The following SH3BGRL variants were observed in gnomAD, a reference collection of about 807,000 sequenced individuals.
The protein encoded by SH3BGRL is SH3 domain binding glutamate rich protein like, also known as adapter SH3BGRL.
Under a neutral mutation model 9.8 loss-of-function variants are expected in SH3BGRL, and 7 were observed. That is an observed-to-expected ratio of 0.72 (90% CI 0.41 to 1.35). The LOEUF (loss-of-function observed/expected upper bound fraction) is 1.35. Among genes scored for constraint, SH3BGRL ranks in the 40% most tolerant of loss-of-function variants. The pLI is 0.01. For missense variants in SH3BGRL, 73 were observed against 84.4 expected (o/e 0.86, Z 0.53); for synonymous variants, 36 against 29.1 (o/e 1.24, Z -0.76).
intron 1 of SH3BGRL, among the ~76,000 whole-genome samples, chrX:81,248,258 G>A (rs936519461): frequency 9.0e-6 from 1 of 111,546 alleles, no homozygotes; most frequent in Admixed American, 9.5e-5. Flanking sequence ...TACCATGCAG[G>A]TAAACCTACA....
intron 1 of SH3BGRL, among the ~76,000 whole-genome samples, chrX:81,228,932 C>A (rs1602600824): frequency 9.0e-6 from 1 of 111,533 alleles, no homozygotes; most frequent in Admixed American, 9.5e-5. Flanking sequence ...CTAGAGGGTT[C>A]AAAATTCGAT....
chrX:81,293,658 G>A, intron 3 of SH3BGRL, among the ~76,000 whole-genome samples: 1 of 112,179 alleles, frequency 8.9e-6, no homozygotes, highest in South Asian at 3.7e-4. Context: ...ACAACAGCCT[G>A]GGTGATAGAG....
rs374503076 is a variant in SH3BGRL, at chrX:81,277,185, A to G, written c.231+16A>G. On this transcript the variant is annotated intron_variant, in intron 2 of 3. Transcript: ENST00000373212. ...GTATCGCGGGGTAAGAAAACAATTT[A>G]AATTCTTGTTTATTGTAATAGATTG... 7 of 1,185,346 alleles carry G rather than the reference A, an allele frequency of 5.9e-6. No individual in the cohort carries two copies. In the African/African-American group the frequency reaches 1.1e-4, roughly 18 times the overall value.
chrX:81,277,653 A>G (rs767663004), intron 2 of SH3BGRL, among the ~76,000 whole-genome samples: 2 of 112,255 alleles, frequency 1.8e-5, no homozygotes, highest in South Asian at 7.4e-4. Flanking sequence ...GAATAATGGA[A>G]CAGAAATATG....
intron 1 of SH3BGRL, among the ~76,000 whole-genome samples, chrX:81,265,106 T>C (rs1260510770): frequency 9.2e-6 from 1 of 108,827 alleles, no homozygotes; most frequent in Admixed American, 9.9e-5. Context: ...TAGACTCTAT[T>C]TTTGAAATTA....
At chrX:81,220,300 GT>G (rs2075596342) in intron 1 of SH3BGRL, among the ~76,000 whole-genome samples, 1 of 111,396 alleles carries the variant, frequency 9.0e-6, no homozygotes, top group African/African-American at 3.3e-5. Context: ...CTCATTACTT[GT>G]TTTTTGTCTG....
intron 1 of SH3BGRL, among the ~76,000 whole-genome samples, chrX:81,205,939 T>C (rs1027064780): frequency 8.9e-6 from 1 of 111,794 alleles, no homozygotes. Context: ...ATAGTTTTGA[T>C]TTGCATTTTC....
intron 1 of SH3BGRL, among the ~76,000 whole-genome samples, chrX:81,235,765 C>A (rs1458488709): frequency 9.0e-6 from 1 of 111,104 alleles, no homozygotes; most frequent in Non-Finnish European, 1.9e-5. Flanking sequence ...CTGCTTTTAC[C>A]ACTCTAGCCT....
intron 1 of SH3BGRL, among the ~76,000 whole-genome samples, chrX:81,275,036 AG>A (rs1314886356): frequency 9.0e-6 from 1 of 111,318 alleles, no homozygotes; most frequent in African/African-American, 3.3e-5. Context: ...ACTTCAGTGA[AG>A]GTACACTATC....
chrX:81,247,405 G>T, intron 1 of SH3BGRL, among the ~76,000 whole-genome samples: 1 of 111,575 alleles, frequency 9.0e-6, no homozygotes, highest in Admixed American at 9.5e-5. Context: ...GAAATGCTTC[G>T]GGTTTTTGCC....
chrX:81,298,326 C>G lies in SH3BGRL; in HGVS notation c.*1099C>G, dbSNP rs1176366559. ...TGAAGACTTCTAAAAAGACAAGAAA[C>G]ATGGCCTAAATAACCAACATAGATT... On this transcript the variant is annotated 3_prime_UTR_variant, in exon 4 of 4. Coordinates refer to ENST00000373212, the MANE Select transcript of SH3BGRL (RefSeq NM_003022.3). The G allele has an allele frequency of 9.0e-6, 1 of 111,431 alleles. No individual in the cohort carries two copies. Among genetic ancestry groups the G allele is most frequent in the Non-Finnish European group, 1.9e-5 (1 of 52,802 alleles). The allele number at this position is 111,431 out of a possible 1,213,427, so 9.2% of individuals were successfully genotyped here. A position where few individuals can be genotyped will look rare whatever the true frequency, so the allele number is the denominator to read the frequency against.
At chrX:81,243,995 A>G (rs994502738) in intron 1 of SH3BGRL, among the ~76,000 whole-genome samples, 68 of 112,127 alleles carry the variant, frequency 6.1e-4, no homozygotes, top group African/African-American at 2.1e-3. Flanking sequence ...GATAACAGTA[A>G]TAATGACAAC....
intron 1 of SH3BGRL, among the ~76,000 whole-genome samples, chrX:81,231,070 G>A (rs2075631517): frequency 1.8e-5 from 2 of 112,232 alleles, no homozygotes. Context: ...TGTGGCTCTT[G>A]AAGGAGAGAA....
chrX:81,262,868 C>T (rs2075745315), intron 1 of SH3BGRL, among the ~76,000 whole-genome samples: 1 of 111,801 alleles, frequency 8.9e-6, no homozygotes, highest in South Asian at 3.7e-4. Flanking sequence ...TGAGATCAAT[C>T]AGTTTTAGTA....
chrX:81,215,547 C>T (rs2075578899), intron 1 of SH3BGRL, among the ~76,000 whole-genome samples: 1 of 111,013 alleles, frequency 9.0e-6, no homozygotes, highest in Non-Finnish European at 1.9e-5. Context: ...ATGGGGATGT[C>T]AATTTGAGGG....
At chrX:81,236,005 C>T (rs1246352574) in intron 1 of SH3BGRL, among the ~76,000 whole-genome samples, 1 of 111,680 alleles carries the variant, frequency 9.0e-6, no homozygotes, top group Non-Finnish European at 1.9e-5. Flanking sequence ...TCTATGTGGT[C>T]TGAATTACTA....
intron 1 of SH3BGRL, among the ~76,000 whole-genome samples, chrX:81,241,159 T>C (rs767436470): frequency 5.4e-5 from 6 of 112,102 alleles, no homozygotes; most frequent in Non-Finnish European, 7.5e-5. Context: ...GTGTGCATGA[T>C]TGGGGCGGTG....
chrX:81,229,206 C>T (rs1001848480), intron 1 of SH3BGRL, among the ~76,000 whole-genome samples: 23 of 108,573 alleles, frequency 2.1e-4, no homozygotes, highest in African/African-American at 7.1e-4. Flanking sequence ...CTCACTTTTT[C>T]GGTGGCCCGC....
rs184717844 is a variant in SH3BGRL, at chrX:81,241,802, C to T, written c.46-35182C>T. On this transcript the variant is annotated intron_variant, in intron 1 of 3. Coordinates refer to ENST00000373212, the MANE Select transcript of SH3BGRL (RefSeq NM_003022.3). Reference sequence around the variant, plus strand: ...CTTCCAAGCATCACCACGTTCCTCTCGTCCAGACACAGGTTGCTTGCAGTG... The same window carrying T: ...CTTCCAAGCATCACCACGTTCCTCTTGTCCAGACACAGGTTGCTTGCAGTG... Among the ~76,000 whole-genome samples, 19 of 112,539 alleles carry T rather than the reference C, an allele frequency of 1.7e-4. No individual in the cohort carries two copies. The East Asian group carries it at 2.3e-3, about 13-fold the overall frequency.
Sources: gnomAD v4.1 joint callset for allele counts (sites outside exome capture counted in the v4.1 genomes callset) on GRCh38, gnomAD v4.1.1 for gene constraint, MANE v1.5 for transcripts, NCBI Gene and HGNC (gene_info 2026-07-23, HGNC 2026-07-21) for gene names.